The following AGR3 variants were observed in gnomAD, a reference collection of about 807,000 sequenced individuals.
AGR3 encodes the protein anterior gradient 3, protein disulphide isomerase family member, also known as anterior gradient protein 3.
Under a neutral mutation model 24.5 loss-of-function variants are expected in AGR3, and 37 were observed. The ratio of observed to expected loss-of-function variants is 1.51; its 90% CI spans 1.16 to 1.99. The LOEUF (loss-of-function observed/expected upper bound fraction) is 1.99. Ranked by LOEUF, AGR3 falls within the 30% of genes most tolerant of loss-of-function variation. The pLI, the probability that AGR3 is intolerant of heterozygous loss-of-function variation, is 0.00. For missense variants in AGR3, 228 were observed against 191.1 expected (o/e 1.19, Z -1.14); for synonymous variants, 75 against 61.6 (o/e 1.22, Z -1.02).
chr7:16,873,829 T>C lies in AGR3; in HGVS notation c.124A>G (p.Ile42Val). 1 of 1,613,012 alleles carries C rather than the reference T, an allele frequency of 6.2e-7. No homozygotes were observed. Among genetic ancestry groups the C allele is most frequent in the Non-Finnish European group, 8.5e-7 (1 of 1,179,230 alleles). ...TCTTCATAAGTTTGTACCCAAGTGA[T>C]GTCATCTCCCCATCCTGAAATAGAA... ...QTLSRGWGDD[I>V]TWVQTYEEGL... The change falls in exon 3 of 8, where the codon ATC becomes GTC. Residue 42 changes from isoleucine to valine, a missense_variant. Ile to Val is a conservative substitution (Grantham distance 29). Transcript: ENST00000310398.
At chr7:16,874,734 C>T (rs1192905206) in intron 2 of AGR3, among the ~76,000 whole-genome samples, 1 of 152,010 alleles carries the variant, frequency 6.6e-6, no homozygotes, top group African/African-American at 2.4e-5. Flanking sequence ...AATATGATTC[C>T]ATGATTTTTG....
At chr7:16,864,645 T>G (rs1468897865) in intron 3 of AGR3, 5 of 1,578,950 alleles carry the variant, frequency 3.2e-6, no homozygotes, top group Non-Finnish European at 3.5e-6. Flanking sequence ...TTTGGAGGCA[T>G]AAAGCTGGTA....
chr7:16,870,506 G>A (rs1193702939), intron 3 of AGR3, among the ~76,000 whole-genome samples: 1 of 151,894 alleles, frequency 6.6e-6, no homozygotes. Flanking sequence ...TAAGCATAAT[G>A]TTGGTTTTTT....
Position 16,862,615 on chromosome 7 carries a change from G to T in AGR3, c.221C>A (p.Ser74Tyr). 1 of 1,524,762 alleles carries T rather than the reference G, an allele frequency of 6.6e-7. No homozygotes were observed. Among genetic ancestry groups the T allele is most frequent in the Non-Finnish European group, 8.8e-7 (1 of 1,142,006 alleles). 94.5% of individuals were successfully genotyped at this position (1,524,762 alleles called of 1,614,324 possible). A position where few individuals can be genotyped will look rare whatever the true frequency, so the allele number is the denominator to read the frequency against. Residue 74 changes from serine (S) to tyrosine (Y), a missense_variant, in exon 4 of 8, where the codon TCT becomes TAT. Physicochemically the swap from Ser to Tyr is moderately radical, Grantham distance 144. Coordinates refer to ENST00000310398, the MANE Select transcript of AGR3 (RefSeq NM_176813.5). Reference sequence around the variant, plus strand: ...ATATCAGGGGCTAAAATTACCTTGAGAGTATTGACAATCCTCCAGGTGATG... The same window carrying T: ...ATATCAGGGGCTAAAATTACCTTGATAGTATTGACAATCCTCCAGGTGATG... ...VIHHLEDCQY[S>Y]QALKKVFAQN...
intron 2 of AGR3, among the ~76,000 whole-genome samples, chr7:16,877,339 A>G (rs955547273): frequency 1.4e-5 from 2 of 147,694 alleles, no homozygotes; most frequent in African/African-American, 2.5e-5. Flanking sequence ...ATAATTATAT[A>G]TATTTTATAT....
At chr7:16,866,619 G>T (rs2115304652) in intron 3 of AGR3, among the ~76,000 whole-genome samples, 1 of 151,850 alleles carries the variant, frequency 6.6e-6, no homozygotes, top group Admixed American at 6.5e-5. Flanking sequence ...CACTAAAGCT[G>T]GTTATTAGTT....
chr7:16,860,245 T>C, intron 7 of AGR3, among the ~76,000 whole-genome samples: 1 of 152,214 alleles, frequency 6.6e-6, no homozygotes, highest in African/African-American at 2.4e-5. Context: ...TTTGTGTCAT[T>C]TTAATGTGTA....
At chr7:16,856,998 CGTT>C (rs1781563279), downstream of AGR3, among the ~76,000 whole-genome samples, 1 of 142,564 alleles carries the variant, frequency 7.0e-6, no homozygotes, top group South Asian at 2.2e-4. Flanking sequence ...TTTTTAAACA[CGTT>C]GTGGTCTCAC....
At chr7:16,881,385 A>G (rs1782113782) in intron 1 of AGR3, among the ~76,000 whole-genome samples, 1 of 152,224 alleles carries the variant, frequency 6.6e-6, no homozygotes, top group African/African-American at 2.4e-5. Flanking sequence ...TTTTGAATAA[A>G]TAACGCTTTC....
chr7:16,877,104 T>A (rs1051454462), intron 2 of AGR3, among the ~76,000 whole-genome samples: 1 of 151,790 alleles, frequency 6.6e-6, no homozygotes, highest in Non-Finnish European at 1.5e-5. Context: ...TAGAGTTAAT[T>A]AGCTTAGGTA....
chr7:16,861,578 C>A lies in AGR3; in HGVS notation c.304-131G>T, dbSNP rs371226885. On this transcript the variant is annotated intron_variant, in intron 5 of 7. Transcript: ENST00000310398. ...ATTCCATACAACTTTCTGTATTAACCAATATTTAGCTCTTTGTGCTTTAAA... is the reference window on the plus strand; with the variant it reads ...ATTCCATACAACTTTCTGTATTAACAAATATTTAGCTCTTTGTGCTTTAAA... 2.7e-4 allele frequency: 192 copies of A among 709,710 alleles called. No homozygotes were observed. In the East Asian group the frequency reaches 4.4e-3, roughly 16 times the overall value. 44.0% of individuals were successfully genotyped at this position (709,710 alleles called of 1,614,324 possible).
chr7:16,881,907 C>T (rs1782126037), intron 1 of AGR3, 37 bp downstream of exon 1: 1 of 470,782 alleles, frequency 2.1e-6, no homozygotes, highest in Admixed American at 2.3e-5. Flanking sequence ...CAAAGCTTGA[C>T]CACTGATTAA....
chr7:16,865,405 T>TAAG (rs1398406056), intron 3 of AGR3: 5 of 972,386 alleles, frequency 5.1e-6, no homozygotes, highest in Non-Finnish European at 8.3e-6. Context: ...ATAGTCACTA[T>TAAG]TCGATTAAGA....
chr7:16,873,549 C>G (rs1261530078), intron 3 of AGR3: 1 of 483,262 alleles, frequency 2.1e-6, no homozygotes, highest in Non-Finnish European at 3.7e-6. Context: ...AGGGTACATA[C>G]AGTTAACAAT....
chr7:16,863,490 C>T (rs1263257492), intron 3 of AGR3, among the ~76,000 whole-genome samples: 2 of 151,994 alleles, frequency 1.3e-5, no homozygotes, highest in African/African-American at 4.8e-5. Context: ...AAAAATTCTT[C>T]CTCCTACTGC....
At chr7:16,873,684 A>G in intron 3 of AGR3, 96 bp downstream of exon 3, 13 of 895,026 alleles carry the variant, frequency 1.5e-5, no homozygotes, top group Non-Finnish European at 2.3e-5. Flanking sequence ...CATTGTGTAC[A>G]TGTATCAGCA....
intron 3 of AGR3, 55 bp downstream of exon 3, chr7:16,873,725 T>A: frequency 2.3e-6 from 3 of 1,313,034 alleles, no homozygotes; most frequent in Non-Finnish European, 3.3e-6. Context: ...ATATGTACAA[T>A]TATTATGAGT....
At chr7:16,880,092 CTTCCTT>C in intron 1 of AGR3, among the ~76,000 whole-genome samples, 2 of 138,580 alleles carry the variant, frequency 1.4e-5, no homozygotes, top group African/African-American at 5.2e-5. Flanking sequence ...TTTCCCCTTC[CTTCCTT>C]CCTTCCTTCT....
chr7:16,859,683 G>T, intron 7 of AGR3, 52 bp from the exon 8 acceptor site: 1 of 1,202,326 alleles, frequency 8.3e-7, no homozygotes, highest in Non-Finnish European at 1.2e-6. Flanking sequence ...AAGTACAAAT[G>T]CTATGATCTA....
Sources: allele counts gnomAD v4.1 joint callset (sites outside exome capture counted in the v4.1 genomes callset), GRCh38; gene constraint gnomAD v4.1.1; transcripts MANE v1.5; gene names NCBI Gene and HGNC (gene_info 2026-07-23, HGNC 2026-07-21).